The following TNNI3K variants were observed in gnomAD, a reference collection of about 807,000 sequenced individuals.
The protein encoded by TNNI3K is serine/threonine-protein kinase TNNI3K.
TNNI3K carries 140 observed loss-of-function variants against 114.5 expected under a neutral mutation model. The ratio of observed to expected loss-of-function variants is 1.22; its 90% CI spans 1.07 to 1.41. TNNI3K has a LOEUF of 1.41. TNNI3K is among the 40% of genes most tolerant of loss of function. The pLI, the probability that TNNI3K is intolerant of heterozygous loss-of-function variation, is 0.00. For synonymous variants in TNNI3K, 347 were observed against 347.5 expected, an observed-to-expected ratio of 1.00 and a Z score of 0.02; for missense variants, 1,125 against 1,007.6, an observed-to-expected ratio of 1.12 and a Z score of -1.58.
chr1:74,361,922 G>T (rs1156716316), intron 11 of TNNI3K, among the ~76,000 whole-genome samples: 1 of 152,130 alleles, frequency 6.6e-6, no homozygotes, highest in Non-Finnish European at 1.5e-5. Context: ...CATGCCTGTG[G>T]ATTCTTCTCT....
chr1:74,512,945 A>G (rs1477066436), intron 23 of TNNI3K, among the ~76,000 whole-genome samples: 2 of 152,168 alleles, frequency 1.3e-5, no homozygotes, highest in Non-Finnish European at 2.9e-5. Context: ...ATCCGGGTAA[A>G]TGGCTCACCG....
chr1:74,484,858 A>G (rs75056637), intron 21 of TNNI3K, among the ~76,000 whole-genome samples: 2,923 of 152,316 alleles, frequency 0.019, 92 homozygotes, highest in African/African-American at 0.066. Context: ...TTTAAAGATC[A>G]TTTTAACTAC....
intron 21 of TNNI3K, among the ~76,000 whole-genome samples, chr1:74,486,317 C>T (rs1386656098): frequency 1.3e-5 from 2 of 151,680 alleles, no homozygotes; most frequent in Non-Finnish European, 2.9e-5. Context: ...CCAGTGCCTT[C>T]AGGTAGCTGT....
chr1:74,473,273 T>C (rs1345131059), intron 21 of TNNI3K, among the ~76,000 whole-genome samples: 1 of 152,144 alleles, frequency 6.6e-6, no homozygotes, highest in Non-Finnish European at 1.5e-5. Flanking sequence ...AGAAGTTGAA[T>C]GCTTTCCCGT....
intron 4 of TNNI3K, among the ~76,000 whole-genome samples, chr1:74,269,271 CCATT>C (rs58606066): frequency 3.3e-4 from 50 of 151,930 alleles, no homozygotes; most frequent in African/African-American, 1.2e-3. Context: ...TTTTGTCTCT[CCATT>C]CACGTAAACA....
chr1:74,351,028 T>A lies in TNNI3K; in HGVS notation c.933-2238T>A, dbSNP rs1012011075. On this transcript the variant is annotated intron_variant, in intron 9 of 24. Coordinates refer to ENST00000326637, the MANE Select transcript of TNNI3K (RefSeq NM_015978.3). ...GTCATTATGATGTTAGCTGGTTATTTTGCTCCTTAGTTGATGCAGTTTCTT... is the reference window on the plus strand; with the variant it reads ...GTCATTATGATGTTAGCTGGTTATTATGCTCCTTAGTTGATGCAGTTTCTT... Among the ~76,000 whole-genome samples, 325 of 151,714 alleles carry A rather than the reference T, an allele frequency of 2.1e-3. 2 individuals are homozygous for A. Among genetic ancestry groups the A allele is most frequent in the Middle Eastern group, 0.01 (3 of 294 alleles).
intron 17 of TNNI3K, 109 bp from the exon 18 acceptor site, chr1:74,435,971 T>G: frequency 7.1e-7 from 1 of 1,416,648 alleles, no homozygotes; most frequent in Non-Finnish European, 9.5e-7. Flanking sequence ...CCATTTATTC[T>G]CTAGGGCAAA....
chr1:74,377,504 T>C (rs747384611), intron 17 of TNNI3K, among the ~76,000 whole-genome samples: 3 of 152,072 alleles, frequency 2.0e-5, no homozygotes, highest in Non-Finnish European at 4.4e-5. Flanking sequence ...AAAGTTTCAA[T>C]ACCAGACAAT....
intron 23 of TNNI3K, among the ~76,000 whole-genome samples, chr1:74,518,875 T>TC (rs1646389177): frequency 6.1e-5 from 1 of 16,338 alleles, no homozygotes; most frequent in Non-Finnish European, 1.2e-4. Context: ...TTTTTTCCCC[T>TC]TTTTTTTTTT....
At chr1:74,519,058 G>T (rs1570733681) in intron 23 of TNNI3K, among the ~76,000 whole-genome samples, 1 of 84,670 alleles carries the variant, frequency 1.2e-5, no homozygotes, top group East Asian at 3.2e-4. Context: ...ACAGTCCCCA[G>T]AGTGTGATAT....
chr1:74,279,514 C>A (rs911588564), intron 5 of TNNI3K, among the ~76,000 whole-genome samples: 1 of 151,962 alleles, frequency 6.6e-6, no homozygotes, highest in South Asian at 2.1e-4. Context: ...TATGCATATT[C>A]AAATTTAAGA....
intron 21 of TNNI3K, among the ~76,000 whole-genome samples, chr1:74,473,758 G>C (rs1668053588): frequency 6.6e-6 from 1 of 152,082 alleles, no homozygotes; most frequent in Non-Finnish European, 1.5e-5. Context: ...TGGAAGGTTG[G>C]ACTAGATGGG....
intron 2 of TNNI3K, among the ~76,000 whole-genome samples, chr1:74,241,150 A>G (rs1654176478): frequency 6.6e-6 from 1 of 152,000 alleles, no homozygotes; most frequent in Non-Finnish European, 1.5e-5. Context: ...TATGTGCCAC[A>G]TTTTCTTAAT....
intron 21 of TNNI3K, among the ~76,000 whole-genome samples, chr1:74,481,744 C>T (rs1668515531): frequency 6.6e-6 from 1 of 152,182 alleles, no homozygotes; most frequent in South Asian, 2.1e-4. Context: ...AGCATTTTAA[C>T]TCAATAAAGA....
chr1:74,492,941 C>T (rs1229067751), intron 23 of TNNI3K, among the ~76,000 whole-genome samples: 1 of 152,150 alleles, frequency 6.6e-6, no homozygotes, highest in Non-Finnish European at 1.5e-5. Context: ...TTCTAGAAAT[C>T]CACCTTTTTT....
intron 17 of TNNI3K, among the ~76,000 whole-genome samples, chr1:74,428,347 C>T (rs77089915): frequency 3.3e-4 from 50 of 152,088 alleles, no homozygotes; most frequent in African/African-American, 1.1e-3. Flanking sequence ...AGGGTATATA[C>T]GAGGAATTTC....
chr1:74,488,396 T>G (rs45595635), intron 21 of TNNI3K, among the ~76,000 whole-genome samples: 2,948 of 152,262 alleles, frequency 0.019, 97 homozygotes, highest in African/African-American at 0.067. Flanking sequence ...ATCTAAATTA[T>G]TTGGTTACTG....
intron 5 of TNNI3K, among the ~76,000 whole-genome samples, chr1:74,311,504 T>TA (rs1236774821): frequency 6.6e-6 from 1 of 152,180 alleles, no homozygotes; most frequent in Non-Finnish European, 1.5e-5. Flanking sequence ...GAAAATAGCT[T>TA]AAAATATATT....
chr1:74,332,049 T>C (rs1001513077), intron 6 of TNNI3K, among the ~76,000 whole-genome samples: 2 of 152,182 alleles, frequency 1.3e-5, no homozygotes, highest in African/African-American at 2.4e-5. Flanking sequence ...TGCTTTATAA[T>C]TTACTTTAAA....
Sources: gnomAD v4.1 joint callset for allele counts (sites outside exome capture counted in the v4.1 genomes callset) on GRCh38, gnomAD v4.1.1 for gene constraint, MANE v1.5 for transcripts, NCBI Gene and HGNC (gene_info 2026-07-23, HGNC 2026-07-21) for gene names.